Variants in LDB2 observed in about 807,000 individuals in gnomAD.
The protein encoded by LDB2 is LIM domain-binding protein 2.
A neutral mutation model predicts 44.3 loss-of-function variants in LDB2; 12 were observed. That is an observed-to-expected ratio of 0.27 (90% CI 0.17 to 0.44). LDB2 has a LOEUF of 0.44. LDB2 is among the 20% of genes least tolerant of loss of function. The pLI is 1.00. For missense variants in LDB2, 344 were observed against 473.5 expected (o/e 0.73, Z 2.54); for synonymous variants, 164 against 174.8 (o/e 0.94, Z 0.49).
At chr4:16,703,713 G>A (rs1004862722) in intron 2 of LDB2, among the ~76,000 whole-genome samples, 8 of 152,192 alleles carry the variant, frequency 5.3e-5, no homozygotes, top group Admixed American at 5.2e-4. Context: ...TACATGCCAA[G>A]TGGGTCACAT....
At chr4:16,648,441 T>G (rs1737376774) in intron 2 of LDB2, among the ~76,000 whole-genome samples, 1 of 152,236 alleles carries the variant, frequency 6.6e-6, no homozygotes, top group African/African-American at 2.4e-5. Flanking sequence ...GTATACATTT[T>G]CATCCCTACC....
chr4:16,804,949 G>A (rs1380877483), intron 1 of LDB2, among the ~76,000 whole-genome samples: 4 of 152,148 alleles, frequency 2.6e-5, no homozygotes, highest in African/African-American at 7.2e-5. Context: ...GGGTGCCAGT[G>A]TGGTTAGGTT....
In LDB2 at chr4:16,649,917, C is replaced by T. The variant is rs115478931; in HGVS notation, c.236-54042G>A. Among the ~76,000 whole-genome samples, 280 of 152,212 alleles carry T rather than the reference C, an allele frequency of 1.8e-3. 1 individual carries two copies. The highest frequency in any genetic ancestry group is 2.8e-3 in the Non-Finnish European group (188 of 68,016). ...GGCTGAAACTGGCTGAGAAAATATC[C>T]GCAAGTAATATTCATATTTTCCTCC... On this transcript the variant is annotated intron_variant, in intron 2 of 7. Transcript: ENST00000304523.
At chr4:16,662,665 A>G (rs954028260) in intron 2 of LDB2, among the ~76,000 whole-genome samples, 12 of 151,682 alleles carry the variant, frequency 7.9e-5, no homozygotes, top group African/African-American at 2.7e-4. Context: ...TGCTGTTCTC[A>G]TGATAGTGAA....
Position 16,512,048 on chromosome 4 carries a change from G to A in LDB2, c.672C>T (p.Asn224=). 6.2e-7 allele frequency: 1 copy of A among 1,613,680 alleles called. No individual in the cohort carries two copies. Among genetic ancestry groups the A allele is most frequent in the Non-Finnish European group, 8.5e-7 (1 of 1,179,760 alleles). Residue 224 remains asparagine (N), a synonymous_variant, in exon 6 of 8, where the codon AAC becomes AAT. Transcript: ENST00000304523. ...TCTTCAGGCAGTCTCGGGGACTGAG[G>A]TTGTAAGTTTTATGTCTCGACATCA... The part of the protein sequence containing the change: ...QELMSRHKTY[N]LSPRDCLKTC...
At chr4:16,527,505 A>G (rs1728656462) in intron 5 of LDB2, among the ~76,000 whole-genome samples, 1 of 152,220 alleles carries the variant, frequency 6.6e-6, no homozygotes, top group South Asian at 2.1e-4. Flanking sequence ...TAAAATCACT[A>G]TGGAAGACAG....
Position 16,813,364 on chromosome 4 carries a change from G to A in LDB2, c.133-54104C>T, listed in dbSNP as rs79689616. Among the ~76,000 whole-genome samples, 1,173 of 152,224 alleles carry A rather than the reference G, an allele frequency of 7.7e-3. 21 individuals are homozygous for A. Among genetic ancestry groups the A allele is most frequent in the African/African-American group, 0.027 (1,128 of 41,532 alleles). On this transcript the variant is annotated intron_variant, in intron 1 of 7. Coordinates refer to ENST00000304523, the MANE Select transcript of LDB2 (RefSeq NM_001290.5). ...GGTTTTTGTGGGGATTAAGTGAGTAGGACATAGAAGAAGTCTTCAATGAGA... is the reference window on the plus strand; with the variant it reads ...GGTTTTTGTGGGGATTAAGTGAGTAAGACATAGAAGAAGTCTTCAATGAGA...
chr4:16,506,220 AAT>A (rs1224233172), intron 7 of LDB2: 4 of 437,118 alleles, frequency 9.2e-6, no homozygotes, highest in Admixed American at 7.9e-5. Flanking sequence ...CTTATCATTT[AAT>A]GTCCATTCAA....
intron 2 of LDB2, among the ~76,000 whole-genome samples, chr4:16,684,683 C>T (rs978554802): frequency 1.3e-5 from 2 of 152,114 alleles, no homozygotes; most frequent in Admixed American, 6.5e-5. Flanking sequence ...CCAGTAGAAA[C>T]ATTTGGACCT....
intron 1 of LDB2, among the ~76,000 whole-genome samples, chr4:16,806,238 G>A (rs1297339965): frequency 2.0e-5 from 3 of 152,146 alleles, no homozygotes; most frequent in African/African-American, 7.2e-5. Context: ...CTTTGACTCC[G>A]CACAGCCAGA....
At chr4:16,592,505 T>TATATATAC (rs757702164) in intron 3 of LDB2, among the ~76,000 whole-genome samples, 218 of 107,722 alleles carry the variant, frequency 2.0e-3, no homozygotes, top group Non-Finnish European at 2.2e-3. Flanking sequence ...TATATATATA[T>TATATATAC]ACACACACAC....
intron 1 of LDB2, among the ~76,000 whole-genome samples, chr4:16,894,528 G>A (rs567161101): frequency 2.1e-4 from 32 of 152,220 alleles, no homozygotes; most frequent in African/African-American, 5.3e-4. Flanking sequence ...TTCCTTTACA[G>A]AGAGGTGAGG....
chr4:16,545,723 T>G (rs1483074156), intron 5 of LDB2, among the ~76,000 whole-genome samples: 1 of 152,192 alleles, frequency 6.6e-6, no homozygotes, highest in African/African-American at 2.4e-5. Flanking sequence ...TGACAGCCCC[T>G]GCAGTTACAA....
chr4:16,802,581 G>A (rs552558593), intron 1 of LDB2, among the ~76,000 whole-genome samples: 27 of 152,288 alleles, frequency 1.8e-4, no homozygotes, highest in African/African-American at 6.0e-4. Context: ...AACACTAGAA[G>A]AGAACCAGAG....
chr4:16,640,799 T>G (rs1293964992), intron 2 of LDB2, among the ~76,000 whole-genome samples: 1 of 152,238 alleles, frequency 6.6e-6, no homozygotes, highest in African/African-American at 2.4e-5. Context: ...GAGTAGATTC[T>G]ATGCCAGAAG....
chr4:16,862,402 G>A (rs1410631705), intron 1 of LDB2, among the ~76,000 whole-genome samples: 8 of 151,976 alleles, frequency 5.3e-5, no homozygotes, highest in Non-Finnish European at 1.0e-4. Flanking sequence ...GGGAGGCCAA[G>A]GCAGGTGGAT....
intron 1 of LDB2, among the ~76,000 whole-genome samples, chr4:16,814,747 T>C (rs1051589620): frequency 6.6e-6 from 1 of 151,870 alleles, no homozygotes; most frequent in East Asian, 1.9e-4. Flanking sequence ...CCTAAGAGAG[T>C]TTTTAAAAAA....
chr4:16,867,392 C>G (rs1715069174), intron 1 of LDB2, among the ~76,000 whole-genome samples: 3 of 152,026 alleles, frequency 2.0e-5, no homozygotes, highest in Admixed American at 6.5e-5. Flanking sequence ...AATTAAAGGC[C>G]CTGCTCAGGG....
At chr4:16,806,326 C>G (rs1461093892) in intron 1 of LDB2, among the ~76,000 whole-genome samples, 1 of 152,202 alleles carries the variant, frequency 6.6e-6, no homozygotes, top group Non-Finnish European at 1.5e-5. Flanking sequence ...CCCCATGAAA[C>G]TCTGATTTTC....
Sources: gnomAD v4.1 joint callset for allele counts (sites outside exome capture counted in the v4.1 genomes callset) on GRCh38, gnomAD v4.1.1 for gene constraint, MANE v1.5 for transcripts, NCBI Gene and HGNC (gene_info 2026-07-23, HGNC 2026-07-21) for gene names.